The following FANCC variants were observed in gnomAD, a reference collection of about 807,000 sequenced individuals.
FANCC encodes Fanconi anemia group C protein.
Under a neutral mutation model 71.3 loss-of-function variants are expected in FANCC, and 55 were observed. That is an observed-to-expected ratio of 0.77 (90% CI 0.62 to 0.97). The LOEUF (loss-of-function observed/expected upper bound fraction) is 0.97, where lower values mean the gene tolerates loss of function less well. Ranked by LOEUF, FANCC falls within the 50% of genes least tolerant of loss-of-function variation. FANCC has a pLI of 0.00. For synonymous variants in FANCC, 275 were observed against 244.9 expected, an observed-to-expected ratio of 1.12 and a Z score of -1.15; for missense variants, 678 against 670.9, an observed-to-expected ratio of 1.01 and a Z score of -0.12.
intron 1 of FANCC, among the ~76,000 whole-genome samples, chr9:95,264,125 G>C (rs1460705216): frequency 6.6e-6 from 1 of 152,138 alleles, no homozygotes; most frequent in Non-Finnish European, 1.5e-5. Context: ...AGCCAAATGT[G>C]GAACTGCTCT....
intron 4 of FANCC, among the ~76,000 whole-genome samples, chr9:95,180,432 T>C (rs1826273024): frequency 6.8e-6 from 1 of 147,242 alleles, no homozygotes; most frequent in South Asian, 2.2e-4. Context: ...TTTCAACTCG[T>C]GGGTTCAAGC....
At chr9:95,316,457 G>A (rs575891013) in intron 1 of FANCC, among the ~76,000 whole-genome samples, 3 of 152,252 alleles carry the variant, frequency 2.0e-5, no homozygotes, top group South Asian at 2.1e-4. Context: ...TCTGTCTGAG[G>A]GCATATCACT....
At chr9:95,251,470 C>T (rs923813971) in intron 1 of FANCC, among the ~76,000 whole-genome samples, 16 of 152,088 alleles carry the variant, frequency 1.1e-4, no homozygotes, top group Non-Finnish European at 2.4e-4. Flanking sequence ...CACACACAAC[C>T]ACGCCCGGCT....
chr9:95,226,711 A>G (rs765936898), intron 4 of FANCC, among the ~76,000 whole-genome samples: 1 of 152,186 alleles, frequency 6.6e-6, no homozygotes, highest in Non-Finnish European at 1.5e-5. Context: ...AAGACAGAAT[A>G]AACTGCCCAG....
intron 6 of FANCC, among the ~76,000 whole-genome samples, chr9:95,151,063 T>C (rs796766782): frequency 4.1e-4 from 63 of 152,350 alleles, no homozygotes; most frequent in African/African-American, 1.5e-3. Flanking sequence ...AGTGCACATT[T>C]ACAGGATGTG....
At chr9:95,249,700 TTGAG>T (rs1361319196) in intron 1 of FANCC, among the ~76,000 whole-genome samples, 5 of 152,248 alleles carry the variant, frequency 3.3e-5, no homozygotes, top group Non-Finnish European at 7.3e-5. Context: ...TGAAGTTGAC[TTGAG>T]TATTTTAATG....
intron 6 of FANCC, among the ~76,000 whole-genome samples, chr9:95,162,014 G>T (rs540989688): frequency 6.6e-6 from 1 of 151,988 alleles, no homozygotes; most frequent in Non-Finnish European, 1.5e-5. Context: ...TCTAATTTTT[G>T]TATTTTTAGT....
chr9:95,194,054 A>C (rs1827268073), intron 4 of FANCC, among the ~76,000 whole-genome samples: 1 of 152,176 alleles, frequency 6.6e-6, no homozygotes, highest in Admixed American at 6.5e-5. Context: ...CCAACTGAAG[A>C]AGGATATAGA....
At chr9:95,179,377 A>G (rs1015051749) in intron 4 of FANCC, among the ~76,000 whole-genome samples, 1 of 152,198 alleles carries the variant, frequency 6.6e-6, no homozygotes, top group East Asian at 1.9e-4. Flanking sequence ...GATTGTTACT[A>G]GCTCTGTCAC....
At chr9:95,107,512 AC>A in intron 13 of FANCC, 1 of 585,856 alleles carries the variant, frequency 1.7e-6, no homozygotes. Context: ...CCAGGAACTG[AC>A]CTTTTTTTGT....
At chr9:95,156,874 C>A (rs969730349) in intron 6 of FANCC, among the ~76,000 whole-genome samples, 1 of 152,142 alleles carries the variant, frequency 6.6e-6, no homozygotes, top group African/African-American at 2.4e-5. Context: ...TATCATAATA[C>A]CACATAACTT....
intron 10 of FANCC, among the ~76,000 whole-genome samples, chr9:95,120,509 G>A (rs1190217284): frequency 4.0e-5 from 6 of 151,896 alleles, no homozygotes; most frequent in Non-Finnish European, 8.8e-5. Flanking sequence ...CCACGTTCTG[G>A]GCTCAAGCAA....
intron 4 of FANCC, among the ~76,000 whole-genome samples, chr9:95,214,483 C>A (rs1828724365): frequency 6.6e-6 from 1 of 151,996 alleles, no homozygotes; most frequent in African/African-American, 2.4e-5. Context: ...CCAGATGATC[C>A]AGCAATTCCA....
intron 4 of FANCC, among the ~76,000 whole-genome samples, chr9:95,209,825 T>C (rs538027191): frequency 2.0e-5 from 3 of 152,272 alleles, no homozygotes; most frequent in Admixed American, 2.0e-4. Flanking sequence ...CCTACTGCAA[T>C]AACCTACTTC....
In FANCC at chr9:95,101,234, AG is replaced by A. The variant is rs1413158205; in HGVS notation, c.*472del. On this transcript the variant is annotated 3_prime_UTR_variant, in exon 15 of 15. Coordinates refer to ENST00000289081, the MANE Select transcript of FANCC (RefSeq NM_000136.3). The stretch of plus-strand genomic sequence containing the variant: ...CTCCCCTTGAAGAATTTCTCCATAC[AG>A]CAAGACAGTGTGGCTTTATCCCAGA... The A allele has an allele frequency of 7.1e-6, 2 of 281,304 alleles. No individual in the cohort carries two copies. Among genetic ancestry groups the A allele is most frequent in the African/African-American group, 4.3e-5 (2 of 46,876 alleles). 17.4% of individuals were successfully genotyped at this position (281,304 alleles called of 1,614,324 possible).
chr9:95,152,887 C>T (rs1193481260), intron 6 of FANCC, among the ~76,000 whole-genome samples: 7 of 151,694 alleles, frequency 4.6e-5, no homozygotes, highest in Admixed American at 2.6e-4. Context: ...AAAGAAGAAT[C>T]GTCTTGGGTT....
At position 95,260,385 on chromosome 9, in the gene FANCC, T is replaced by C. The variant is rs542049158; in HGVS notation, c.-78-11016A>G. Among the ~76,000 whole-genome samples the C allele has an allele frequency of 2.0e-5, 3 of 152,318 alleles. No individual in the cohort carries two copies. The South Asian group carries it at 6.2e-4, about 32-fold the overall frequency. ...ATAAAAAAGGCTAAGTTCATGTCCT[T>C]TGCAGGGACGTGGATGAAGCCGGAA... On this transcript the variant is annotated intron_variant, in intron 1 of 14. Transcript: ENST00000289081.
intron 4 of FANCC, among the ~76,000 whole-genome samples, chr9:95,179,173 CTTAGT>C (rs775875423): frequency 2.2e-4 from 34 of 152,258 alleles, no homozygotes; most frequent in Middle Eastern, 3.4e-3. Flanking sequence ...GTCAATTTCC[CTTAGT>C]TTATTCATCA....
Position 95,135,497 on chromosome 9 carries a change from T to A in FANCC, c.692A>T (p.Lys231Met). The change falls in exon 8 of 15, where the codon AAG becomes ATG. Residue 231 changes from lysine (K) to methionine (M), a missense_variant. Transcript: ENST00000289081. The part of the protein sequence containing the change: ...EAVNEAILLK[K>M]ISLPMSAVVC... ...TACAGCTGACATGGGGAGAGAAATC[T>A]TCTTCCTTTCAGAAAGAAATAAACA... The A allele has an allele frequency of 3.1e-6, 5 of 1,613,826 alleles. No individual in the cohort carries two copies. Among genetic ancestry groups the A allele is most frequent in the Non-Finnish European group, 4.2e-6 (5 of 1,179,872 alleles).
Sources: gnomAD v4.1 joint callset for allele counts (sites outside exome capture counted in the v4.1 genomes callset) on GRCh38, gnomAD v4.1.1 for gene constraint, MANE v1.5 for transcripts, NCBI Gene and HGNC (gene_info 2026-07-23, HGNC 2026-07-21) for gene names.